The following NEDD4 variants were observed in gnomAD, a reference collection of about 807,000 sequenced individuals.
NEDD4 encodes NEDD4 E3 ubiquitin protein ligase.
Under a neutral mutation model 144.9 loss-of-function variants are expected in NEDD4, and 99 were observed. The observed-to-expected ratio is 0.68, with a 90% CI of 0.58 to 0.81. NEDD4 has a LOEUF of 0.81. NEDD4 is among the 30% of genes least tolerant of loss of function. NEDD4 has a pLI of 0.00. For missense variants in NEDD4, 985 were observed against 1,065.9 expected (o/e 0.92, Z 1.06); for synonymous variants, 318 against 350.6 (o/e 0.91, Z 1.04).
At chr15:55,963,819 A>C (rs1566970853) in intron 2 of NEDD4, among the ~76,000 whole-genome samples, 1 of 152,226 alleles carries the variant, frequency 6.6e-6, no homozygotes, top group Non-Finnish European at 1.5e-5. Context: ...CAGGTCTGCC[A>C]ATGATGAATT....
intron 1 of NEDD4, among the ~76,000 whole-genome samples, chr15:55,968,266 C>T (rs1566972519): frequency 6.6e-6 from 1 of 151,608 alleles, no homozygotes; most frequent in Non-Finnish European, 1.5e-5. Context: ...AAACCAAATT[C>T]CAGATAAAGT....
chr15:55,905,657 T>A (rs1291033419), intron 5 of NEDD4, among the ~76,000 whole-genome samples: 2 of 152,208 alleles, frequency 1.3e-5, no homozygotes, highest in African/African-American at 4.8e-5. Flanking sequence ...GACTAGGAAA[T>A]CATCAGAAAC....
At chr15:55,978,440 T>C (rs980031954) in intron 1 of NEDD4, among the ~76,000 whole-genome samples, 3 of 152,218 alleles carry the variant, frequency 2.0e-5, no homozygotes, top group African/African-American at 4.8e-5. Context: ...TTTCCATCAC[T>C]TTCATGTGTT....
At chr15:55,855,931 A>T (rs1310074034) in intron 12 of NEDD4, among the ~76,000 whole-genome samples, 200 bp downstream of exon 12, 1 of 152,148 alleles carries the variant, frequency 6.6e-6, no homozygotes, top group East Asian at 1.9e-4. Flanking sequence ...CAGCATGCAG[A>T]GACTTTGCTT....
Position 55,990,478 on chromosome 15 carries a change from C to T in NEDD4, c.45+3033G>A, listed in dbSNP as rs557411653. 2.0e-5 allele frequency among the ~76,000 whole-genome samples: 3 copies of T among 152,264 alleles called. 1 individual carries two copies. The highest frequency in any genetic ancestry group is 3.9e-4 in the East Asian group (2 of 5,190). On this transcript the variant is annotated intron_variant, in intron 1 of 28. Coordinates refer to ENST00000435532, the MANE Select transcript of NEDD4 (RefSeq NM_006154.4). Reference sequence around the variant, plus strand: ...CTGGAAGCCACTACCACCACTACTTCGGTGACTTCCTATCAATATGTACAA... The same window carrying T: ...CTGGAAGCCACTACCACCACTACTTTGGTGACTTCCTATCAATATGTACAA...
rs116323476 is a variant in NEDD4 at position 55,866,939 on chromosome 15, C to T, written c.507+2640G>A. ...CAATGAACCTTATTTAATTTCTAAC[C>T]GCAAAGCCAATATGTAATTGCTCAC... On this transcript the variant is annotated intron_variant, in intron 8 of 28. Coordinates refer to ENST00000435532, the MANE Select transcript of NEDD4 (RefSeq NM_006154.4). Among the ~76,000 whole-genome samples, 773 of 152,138 alleles carry T rather than the reference C, an allele frequency of 5.1e-3. 2 individuals carry two copies. Among genetic ancestry groups the T allele is most frequent in the African/African-American group, 0.018 (746 of 41,496 alleles).
At chr15:55,849,687 T>G (rs1024391441) in intron 14 of NEDD4, among the ~76,000 whole-genome samples, 26 of 150,380 alleles carry the variant, frequency 1.7e-4, no homozygotes, top group Admixed American at 1.6e-3. Flanking sequence ...TTATATATAT[T>G]ATTTTAATAT....
intron 2 of NEDD4, among the ~76,000 whole-genome samples, chr15:55,957,448 G>A (rs1262517102): frequency 6.6e-6 from 1 of 152,130 alleles, no homozygotes; most frequent in African/African-American, 2.4e-5. Flanking sequence ...CCCCTGATGA[G>A]GTTTAGGACA....
At chr15:55,878,155 G>A (rs1173706242) in intron 5 of NEDD4, among the ~76,000 whole-genome samples, 1 of 151,886 alleles carries the variant, frequency 6.6e-6, no homozygotes, top group Non-Finnish European at 1.5e-5. Context: ...TGAAGATAAA[G>A]GTATGGAAAA....
chr15:55,935,095 T>C (rs1305717760), intron 4 of NEDD4, among the ~76,000 whole-genome samples: 1 of 152,116 alleles, frequency 6.6e-6, no homozygotes, highest in Admixed American at 6.6e-5. Flanking sequence ...TTTGAACTCC[T>C]GGCCTCAGGT....
At chr15:55,895,146 T>C (rs2035698954) in intron 5 of NEDD4, among the ~76,000 whole-genome samples, 1 of 152,194 alleles carries the variant, frequency 6.6e-6, no homozygotes, top group Non-Finnish European at 1.5e-5. Context: ...AGCTCTTCCT[T>C]TCCAAAAGAA....
chr15:55,964,249 G>T (rs763982088), intron 2 of NEDD4, among the ~76,000 whole-genome samples: 1 of 152,012 alleles, frequency 6.6e-6, no homozygotes. Context: ...TGATATCCAT[G>T]TTAGACTTTT....
At chr15:55,869,929 A>C (rs1296958153) in intron 7 of NEDD4, among the ~76,000 whole-genome samples, 2 of 152,084 alleles carry the variant, frequency 1.3e-5, no homozygotes, top group Non-Finnish European at 2.9e-5. Flanking sequence ...AAGGAAGTTT[A>C]AGTGAACGAT....
At chr15:55,830,716 T>C in intron 27 of NEDD4, 130 bp from the exon 28 acceptor site, 1 of 704,630 alleles carries the variant, frequency 1.4e-6, no homozygotes, top group Non-Finnish European at 2.4e-6. Context: ...ATTTATATTT[T>C]AGAGATGGGG....
intron 8 of NEDD4, among the ~76,000 whole-genome samples, chr15:55,867,764 G>C (rs76848811): frequency 0.021 from 3,165 of 152,270 alleles, 119 homozygotes; most frequent in African/African-American, 0.072. Context: ...AAGAAAAAAG[G>C]TTCTTTCCTG....
intron 5 of NEDD4, among the ~76,000 whole-genome samples, chr15:55,885,362 C>A (rs1409645431): frequency 3.3e-5 from 5 of 152,048 alleles, no homozygotes; most frequent in African/African-American, 1.2e-4. Flanking sequence ...TCTGAAGGTA[C>A]AAATTTCACT....
At chr15:55,955,124 C>A (rs531629347) in intron 2 of NEDD4, among the ~76,000 whole-genome samples, 1 of 151,994 alleles carries the variant, frequency 6.6e-6, no homozygotes, top group East Asian at 2.0e-4. Context: ...CGGGCTCAAG[C>A]AATCCTCCCA....
At chr15:55,916,238 A>AT in intron 5 of NEDD4, 1 of 1,614,082 alleles carries the variant, frequency 6.2e-7, no homozygotes, top group Non-Finnish European at 8.5e-7. Flanking sequence ...AAAAAGTATC[A>AT]TCACTTGGTG....
rs900249644 is a variant in NEDD4, at chr15:55,966,981, G to A, written c.46-435C>T. Among the ~76,000 whole-genome samples the A allele has an allele frequency of 3.9e-5, 6 of 152,132 alleles. No individual in the cohort carries two copies. The East Asian group carries it at 5.8e-4, about 15-fold the overall frequency. ...TGGCTCACTGTAACCTCTGCCTCCCGGTTCAAGCGATTCTCATGCCTCAAC... is the reference window on the plus strand; with the variant it reads ...TGGCTCACTGTAACCTCTGCCTCCCAGTTCAAGCGATTCTCATGCCTCAAC... On this transcript the variant is annotated intron_variant, in intron 1 of 28. Transcript: ENST00000435532.
Sources: allele counts gnomAD v4.1 joint callset (sites outside exome capture counted in the v4.1 genomes callset), GRCh38; gene constraint gnomAD v4.1.1; transcripts MANE v1.5; gene names NCBI Gene and HGNC (gene_info 2026-07-23, HGNC 2026-07-21).